Variants in EVI5 observed in about 807,000 individuals in gnomAD.
The protein encoded by EVI5 is ecotropic viral integration site 5.
In EVI5, 73 loss-of-function variants were observed where a neutral mutation model predicts 112.0. The observed-to-expected ratio is 0.65, with a 90% CI of 0.54 to 0.79. The LOEUF is 0.79. EVI5 is among the 30% of genes least tolerant of loss of function. The probability of loss-of-function intolerance (pLI) is 0.00; values close to 1 mark genes in which losing one functional copy is unlikely to be tolerated. For missense variants in EVI5, 900 were observed against 968.8 expected (o/e 0.93, Z 0.94); for synonymous variants, 305 against 319.9 (o/e 0.95, Z 0.50).
chr1:92,592,489 C>A (rs1293728898), intron 18 of EVI5, among the ~76,000 whole-genome samples: 2 of 152,102 alleles, frequency 1.3e-5, no homozygotes, highest in African/African-American at 4.8e-5. Context: ...AATTGACACC[C>A]TAACATCACA....
chr1:92,776,523 C>T (rs944228780), intron 1 of EVI5, among the ~76,000 whole-genome samples: 3 of 152,020 alleles, frequency 2.0e-5, no homozygotes, highest in African/African-American at 7.2e-5. Flanking sequence ...TTAGTAATAG[C>T]TCATAACTTT....
At chr1:92,711,664 G>A (rs1162413444) in intron 2 of EVI5, among the ~76,000 whole-genome samples, 1 of 152,222 alleles carries the variant, frequency 6.6e-6, no homozygotes, top group East Asian at 1.9e-4. Flanking sequence ...CAAAAAAAAG[G>A]CAGAGAGATT....
chr1:92,781,087 T>A (rs996817540), intron 1 of EVI5, among the ~76,000 whole-genome samples: 1 of 151,734 alleles, frequency 6.6e-6, no homozygotes, highest in Non-Finnish European at 1.5e-5. Flanking sequence ...CCTGACCTCA[T>A]GATCCGCTCG....
chr1:92,710,647 C>T (rs953777853), intron 2 of EVI5, among the ~76,000 whole-genome samples: 2 of 151,972 alleles, frequency 1.3e-5, no homozygotes, highest in African/African-American at 4.8e-5. Context: ...AGGGAACACA[C>T]AATCCTGTCT....
chr1:92,771,886 G>A (rs1048952072), intron 1 of EVI5, among the ~76,000 whole-genome samples: 18 of 147,404 alleles, frequency 1.2e-4, no homozygotes, highest in East Asian at 4.0e-4. Flanking sequence ...ACGGAGTCTC[G>A]CTCTGTCGCC....
intron 2 of EVI5, among the ~76,000 whole-genome samples, chr1:92,717,419 A>C (rs4000725): frequency 0.92 from 139,861 of 152,180 alleles, 64,351 homozygotes; most frequent in East Asian, 0.97. Flanking sequence ...AATTTTCAAC[A>C]CAGAATTTCA....
Position 92,751,889 on chromosome 1 carries a change from T to C in EVI5, c.-81-15262A>G, listed in dbSNP as rs563018212. Among the ~76,000 whole-genome samples the C allele has an allele frequency of 1.3e-4, 20 of 152,006 alleles. No homozygotes were observed. In the South Asian group the frequency reaches 4.2e-3, roughly 32 times the overall value. On this transcript the variant is annotated intron_variant, in intron 1 of 19. Transcript: ENST00000684568. ...TTAGCCGGGCATGGTGGTGCACGCC[T>C]ATAATAATTACAACTACTTGGGAGG...
chr1:92,717,080 A>G (rs1673843151), intron 2 of EVI5, among the ~76,000 whole-genome samples: 1 of 152,188 alleles, frequency 6.6e-6, no homozygotes, highest in Non-Finnish European at 1.5e-5. Flanking sequence ...AGTGTAGAGA[A>G]GACCTTAAAT....
At chr1:92,549,258 T>C (rs553736040) in intron 19 of EVI5, among the ~76,000 whole-genome samples, 1 of 152,354 alleles carries the variant, frequency 6.6e-6, no homozygotes, top group Non-Finnish European at 1.5e-5. Context: ...AAGGATTCCC[T>C]ATTTAATAAA....
chr1:92,594,029 C>T (rs1490200980), intron 18 of EVI5, among the ~76,000 whole-genome samples: 2 of 152,164 alleles, frequency 1.3e-5, no homozygotes, highest in African/African-American at 4.8e-5. Context: ...CCATCCCCAT[C>T]AAGCTACCAA....
At chr1:92,527,599 C>T (rs4568842) in intron 19 of EVI5, among the ~76,000 whole-genome samples, 129,583 of 152,128 alleles carry the variant, frequency 0.85, 55,563 homozygotes, top group East Asian at 0.97. Context: ...TAGTGCATTT[C>T]CCACTCCCCA....
intron 13 of EVI5, among the ~76,000 whole-genome samples, chr1:92,638,615 A>T (rs1320919916): frequency 6.6e-6 from 1 of 152,158 alleles, no homozygotes; most frequent in Admixed American, 6.5e-5. Context: ...AGAAATGACA[A>T]TTATGACAGC....
intron 19 of EVI5, among the ~76,000 whole-genome samples, chr1:92,517,408 C>G (rs910276554): frequency 5.3e-5 from 8 of 152,200 alleles, no homozygotes; most frequent in Non-Finnish European, 7.3e-5. Flanking sequence ...ACCAATCCCC[C>G]ATAGATACCA....
At chr1:92,705,859 G>A (rs1441714691) in intron 2 of EVI5, among the ~76,000 whole-genome samples, 1 of 152,020 alleles carries the variant, frequency 6.6e-6, no homozygotes, top group Non-Finnish European at 1.5e-5. Context: ...AACATATAGA[G>A]GTCAAATCCT....
At chr1:92,689,914 G>A (rs1168630139) in intron 9 of EVI5, among the ~76,000 whole-genome samples, 1 of 152,184 alleles carries the variant, frequency 6.6e-6, no homozygotes, top group Non-Finnish European at 1.5e-5. Context: ...TTAAGAGAGA[G>A]GGTCTCACTC....
chr1:92,576,459 CAT>C (rs1671101325), intron 18 of EVI5, among the ~76,000 whole-genome samples: 1 of 152,074 alleles, frequency 6.6e-6, no homozygotes, highest in Non-Finnish European at 1.5e-5. Context: ...CCATATTTAA[CAT>C]GACTTTATTT....
chr1:92,670,345 C>T (rs547566174), intron 10 of EVI5, among the ~76,000 whole-genome samples: 2 of 152,174 alleles, frequency 1.3e-5, no homozygotes, highest in Non-Finnish European at 2.9e-5. Context: ...TACAAAGTAA[C>T]CCAACCCCAA....
rs1376622768 is a variant in EVI5, at chr1:92,624,101, G to A, written c.1827+75C>T. ...TCTTTACCTTTTATCTCTGTTCTAG[G>A]GATGATACAATCTGTGCACAAACCC... is the stretch of plus-strand genomic sequence containing the variant. On this transcript the variant is annotated intron_variant, in intron 16 of 19. Coordinates refer to ENST00000684568, the MANE Select transcript of EVI5 (RefSeq NM_001350197.2). 1.5e-5 allele frequency: 20 copies of A among 1,292,566 alleles called. 1 individual carries two copies. The highest frequency in any genetic ancestry group is 4.4e-5 in the African/African-American group (3 of 67,448). 80.1% of individuals were successfully genotyped at this position (1,292,566 alleles called of 1,614,324 possible).
intron 1 of EVI5, among the ~76,000 whole-genome samples, chr1:92,777,251 T>G (rs1275398298): frequency 6.6e-6 from 1 of 152,166 alleles, no homozygotes; most frequent in Admixed American, 6.6e-5. Flanking sequence ...CATTATGACT[T>G]TTTAATAAAT....
Sources: gnomAD v4.1 joint callset for allele counts (sites outside exome capture counted in the v4.1 genomes callset) on GRCh38, gnomAD v4.1.1 for gene constraint, MANE v1.5 for transcripts, NCBI Gene and HGNC (gene_info 2026-07-23, HGNC 2026-07-21) for gene names.